The following BICD1 variants were observed in gnomAD, a reference collection of about 807,000 sequenced individuals.
BICD1 encodes the protein protein bicaudal D homolog 1.
Under a neutral mutation model 92.5 loss-of-function variants are expected in BICD1, and 35 were observed. The observed-to-expected ratio is 0.38, with a 90% CI of 0.29 to 0.50. The LOEUF (loss-of-function observed/expected upper bound fraction) is 0.50, where lower values mean the gene tolerates loss of function less well. Among genes scored for constraint, BICD1 ranks in the 20% least tolerant of loss-of-function variants. The probability of loss-of-function intolerance (pLI) is 0.93; values close to 1 mark genes in which losing one functional copy is unlikely to be tolerated. For missense variants in BICD1, 950 were observed against 1,189.8 expected (o/e 0.80, Z 2.97); for synonymous variants, 429 against 465.1 (o/e 0.92, Z 1.00).
Position 32,328,140 on chromosome 12 carries a change from G to T in BICD1, c.1685G>T (p.Arg562Leu), listed in dbSNP as rs201571553. The change falls in exon 5 of 10, where the codon CGA (arginine) becomes CTA (leucine). Residue 562 changes from arginine (R) to leucine (L), a missense_variant. Arg to Leu is a moderately radical substitution (Grantham distance 102, BLOSUM62 -2). This residue lies in a region of BICD1 where 309 missense variants were observed against 499.4 expected (regional missense o/e 0.62). Transcript: ENST00000652176. This position sits in a 1 kb window ranked among gnomAD's most constrained non-coding sequence, Gnocchi z 4.4. ...GATCCCAGAGGACTTTTGTCCCCAC[G>T]ATTAGCCAGGCGGGGTGTGTCATCC... Reference protein sequence around the residue: ...PDDPRGLLSPRLARRGVSSPV... With the variant: ...PDDPRGLLSPLLARRGVSSPV... The T allele has an allele frequency of 1.2e-6, 2 of 1,614,120 alleles. No homozygotes were observed. The highest frequency in any genetic ancestry group is 1.7e-6 in the Non-Finnish European group (2 of 1,180,022).
At chr12:32,316,879 C>A (rs543359237) in intron 4 of BICD1, among the ~76,000 whole-genome samples, 1 of 152,054 alleles carries the variant, frequency 6.6e-6, no homozygotes. Flanking sequence ...CAACAGTCCC[C>A]GGTGTGTGAT....
At chr12:32,363,683 A>G (rs1415474588) in intron 8 of BICD1, among the ~76,000 whole-genome samples, 2 of 152,174 alleles carry the variant, frequency 1.3e-5, no homozygotes, top group African/African-American at 4.8e-5. Flanking sequence ...GTTATGTTTG[A>G]TTAGTTAGAT....
At chr12:32,244,922 C>T (rs1045242457) in intron 2 of BICD1, among the ~76,000 whole-genome samples, 2 of 152,044 alleles carry the variant, frequency 1.3e-5, no homozygotes, top group East Asian at 1.9e-4. Context: ...CCACCATGCC[C>T]GGCCGACATA....
intron 1 of BICD1, among the ~76,000 whole-genome samples, chr12:32,144,829 G>A (rs1475183722): frequency 6.6e-6 from 1 of 152,130 alleles, no homozygotes; most frequent in African/African-American, 2.4e-5. Context: ...ACCCCCACTG[G>A]AGAGTGACTG....
chr12:32,193,027 T>A (rs2121531750), intron 1 of BICD1, among the ~76,000 whole-genome samples: 1 of 152,364 alleles, frequency 6.6e-6, no homozygotes, highest in Non-Finnish European at 1.5e-5. Flanking sequence ...GTAGAATATT[T>A]CACAAACTTA....
intron 1 of BICD1, among the ~76,000 whole-genome samples, chr12:32,128,046 G>C (rs1021737788): frequency 6.6e-6 from 1 of 152,030 alleles, no homozygotes; most frequent in Non-Finnish European, 1.5e-5. Context: ...GGGGATTACA[G>C]GTGCATGCCA....
At chr12:32,118,232 G>A (rs976810117) in intron 1 of BICD1, among the ~76,000 whole-genome samples, 3 of 151,714 alleles carry the variant, frequency 2.0e-5, no homozygotes, top group African/African-American at 7.3e-5. Context: ...ACAGGTGCCC[G>A]CCACTACGCC....
intron 2 of BICD1, among the ~76,000 whole-genome samples, chr12:32,253,389 C>T (rs1038322176): frequency 1.3e-5 from 2 of 152,074 alleles, no homozygotes; most frequent in Non-Finnish European, 2.9e-5. Context: ...CTTTAATGCC[C>T]CACTGGACTT....
At chr12:32,364,074 C>T (rs1331947716) in intron 8 of BICD1, among the ~76,000 whole-genome samples, 2 of 152,174 alleles carry the variant, frequency 1.3e-5, no homozygotes, top group Non-Finnish European at 2.9e-5. Context: ...ATTAAATATG[C>T]TTATCTTCCT....
chr12:32,282,476 G>C (rs182851849), intron 2 of BICD1, among the ~76,000 whole-genome samples: 275 of 152,188 alleles, frequency 1.8e-3, no homozygotes, highest in African/African-American at 6.3e-3. Flanking sequence ...GGCCAGGGAG[G>C]GGAGCAAAGT....
Position 32,121,816 on chromosome 12 carries a change from T to TAA in BICD1, c.213+14272_213+14273insAA, listed in dbSNP as rs1565529792. ...CAGAAGATCTCAGTTTGTCAAATTT[T>TAA]TTTTTTTTTTTTTTTGAGACAGGGT... On this transcript the variant is annotated intron_variant, in intron 1 of 9. Coordinates refer to ENST00000652176, the MANE Select transcript of BICD1 (RefSeq NM_001714.4). 7.8e-3 allele frequency among the ~76,000 whole-genome samples: 1,154 copies of TAA among 147,814 alleles called. 12 individuals carry two copies. The highest frequency in any genetic ancestry group is 0.026 in the African/African-American group (1,074 of 40,920).
chr12:32,272,661 TA>T (rs1459413241), intron 2 of BICD1, among the ~76,000 whole-genome samples: 1 of 152,174 alleles, frequency 6.6e-6, no homozygotes, highest in Non-Finnish European at 1.5e-5. Flanking sequence ...CTGTCTCTAC[TA>T]AAAATACCAA....
At chr12:32,370,205 A>AAAAATACAAAAATTAGCTGGGC (rs1939680889) in intron 9 of BICD1, among the ~76,000 whole-genome samples, 1 of 152,068 alleles carries the variant, frequency 6.6e-6, no homozygotes, top group Non-Finnish European at 1.5e-5. Context: ...CGTCTCTACT[A>AAAAATACAAAAATTAGCTGGGC]AAAATACAAA....
chr12:32,115,137 A>G (rs1369780676), intron 1 of BICD1, among the ~76,000 whole-genome samples: 1 of 152,308 alleles, frequency 6.6e-6, no homozygotes, highest in Middle Eastern at 3.4e-3. Context: ...GATTACAGGC[A>G]TGAGCCATTG....
chr12:32,126,236 A>G (rs1942331261), intron 1 of BICD1, among the ~76,000 whole-genome samples: 1 of 151,996 alleles, frequency 6.6e-6, no homozygotes, highest in South Asian at 2.1e-4. Flanking sequence ...TGTGGGGGGA[A>G]CTGGATGTGG....
chr12:32,177,783 ATATT>A (rs199633679), intron 1 of BICD1, among the ~76,000 whole-genome samples: 45,377 of 141,566 alleles, frequency 0.32, 8,014 homozygotes, highest in Admixed American at 0.48. Flanking sequence ...TAATATATAA[ATATT>A]TATAAAAATA....
chr12:32,275,609 T>C (rs1011228197), intron 2 of BICD1, among the ~76,000 whole-genome samples: 1 of 152,138 alleles, frequency 6.6e-6, no homozygotes, highest in Non-Finnish European at 1.5e-5. Context: ...TTCTGGTCCA[T>C]GTTTGTTACG....
At chr12:32,360,363 A>G (rs993382891) in intron 8 of BICD1, among the ~76,000 whole-genome samples, 10 of 152,214 alleles carry the variant, frequency 6.6e-5, no homozygotes, top group African/African-American at 1.4e-4. Context: ...ATACCTATAT[A>G]TGTCAGAAGA....
intron 2 of BICD1, among the ~76,000 whole-genome samples, chr12:32,293,254 C>T (rs1285466998): frequency 6.6e-6 from 1 of 152,124 alleles, no homozygotes; most frequent in African/African-American, 2.4e-5. Context: ...CTATGACTTG[C>T]TTTTCACATT....
Sources: allele counts gnomAD v4.1 joint callset (sites outside exome capture counted in the v4.1 genomes callset), GRCh38; gene constraint gnomAD v4.1.1; regional missense constraint gnomAD v4.1.1; non-coding constraint Gnocchi (gnomAD v3.1); transcripts MANE v1.5; gene names NCBI Gene and HGNC (gene_info 2026-07-23, HGNC 2026-07-21).